SEC14L2: variants seen among roughly 807,000 people sequenced by gnomAD.
SEC14L2 encodes SEC14-like protein 2.
A neutral mutation model predicts 56.9 loss-of-function variants in SEC14L2; 50 were observed. That is an observed-to-expected ratio of 0.88 (90% CI 0.70 to 1.11). SEC14L2 has a LOEUF of 1.11. Among genes scored for constraint, SEC14L2 ranks in the 50% most tolerant of loss-of-function variants. SEC14L2 has a pLI of 0.00. For synonymous variants in SEC14L2, 179 were observed against 188.5 expected (o/e 0.95, Z 0.41); for missense variants, 414 against 500.7 (o/e 0.83, Z 1.65).
chr22:30,406,518 C>T (rs1164989388), intron 3 of SEC14L2, 133 bp downstream of exon 3: 1 of 816,010 alleles, frequency 1.2e-6, no homozygotes, highest in Non-Finnish European at 2.0e-6. Flanking sequence ...TTGCCTTATC[C>T]CTCTGGGACA....
intron 2 of SEC14L2, chr22:30,400,374 T>C (rs1008440090): frequency 6.6e-6 from 1 of 152,226 alleles, no homozygotes; most frequent in African/African-American, 2.4e-5. Context: ...ACCTGCCTGC[T>C]GCAAGACGTG....
At chr22:30,401,950 G>A (rs1459452149) in intron 2 of SEC14L2, among the ~76,000 whole-genome samples, 1 of 152,084 alleles carries the variant, frequency 6.6e-6, no homozygotes, top group Admixed American at 6.6e-5. Context: ...GAGTCTTGGG[G>A]CAGATGAAGA....
Position 30,397,062 on chromosome 22 carries a change from G to A in SEC14L2, c.-55G>A. ...GCGAGGACGAGTCTGTGCTCCATCA[G>A]CTGCCGCACCCGCCGCCTCCCGCCC... On this transcript the variant is annotated 5_prime_UTR_variant, in exon 1 of 12. Transcript: ENST00000615189. 2.0e-6 allele frequency: 3 copies of A among 1,488,238 alleles called. No individual in the cohort carries two copies. The highest frequency in any genetic ancestry group is 2.7e-6 in the Non-Finnish European group (3 of 1,092,470). The allele number at this position is 1,488,238 out of a possible 1,614,324, so 92.2% of individuals were successfully genotyped here.
rs1478380164 is a variant in SEC14L2 at position 30,397,089 on chromosome 22, C to G, written c.-28C>G. 1 of 1,547,510 alleles carries G rather than the reference C, an allele frequency of 6.5e-7. No homozygotes were observed. Among genetic ancestry groups the G allele is most frequent in the South Asian group, 1.2e-5 (1 of 84,008 alleles). On this transcript the variant is annotated 5_prime_UTR_variant, in exon 1 of 12. Coordinates refer to ENST00000615189, the MANE Select transcript of SEC14L2 (RefSeq NM_012429.5). ...TGCCGCACCCGCCGCCTCCCGCCCC[C>G]AAACCCCATCCCCGCGGTTGAGCCA...
intron 2 of SEC14L2, among the ~76,000 whole-genome samples, chr22:30,404,457 G>A (rs969427497): frequency 6.6e-6 from 1 of 152,134 alleles, no homozygotes; most frequent in African/African-American, 2.4e-5. Flanking sequence ...TTAAGGGACC[G>A]GTGACAGTCC....
At chr22:30,407,652 T>G (rs1456047199) in intron 5 of SEC14L2, 49 bp downstream of exon 5, 20 of 1,538,316 alleles carry the variant, frequency 1.3e-5, no homozygotes, top group Non-Finnish European at 1.8e-5. Context: ...GCAGAGGCAT[T>G]CCAGCAGAAG....
Position 30,415,701 on chromosome 22 carries a change from G to A in SEC14L2, c.665-58G>A. The A allele has an allele frequency of 3.4e-6, 5 of 1,480,746 alleles. No individual in the cohort carries two copies. In the South Asian group the frequency reaches 3.5e-5, roughly 10 times the overall value. The allele number at this position is 1,480,746 out of a possible 1,614,324, so 91.7% of individuals were successfully genotyped here. ...CTTTAGTGTAGACCACTAGGGTTAT[G>A]GCGAAATCTTACCTAGTGTTGAGAT... On this transcript the variant is annotated intron_variant, in intron 8 of 11. Transcript: ENST00000615189.
At chr22:30,402,833 C>T (rs1441644099) in intron 2 of SEC14L2, among the ~76,000 whole-genome samples, 1 of 151,264 alleles carries the variant, frequency 6.6e-6, no homozygotes, top group Admixed American at 6.6e-5. Context: ...AATCCCAGCA[C>T]TTTGGGAGGC....
chr22:30,415,679 T>A, intron 8 of SEC14L2, 80 bp from the exon 9 acceptor site: 1 of 1,262,850 alleles, frequency 7.9e-7, no homozygotes, highest in Non-Finnish European at 1.1e-6. Context: ...TCTGCCTCTT[T>A]AGTGTAGACC....
chr22:30,403,007 G>GT (rs1242111459), intron 2 of SEC14L2, among the ~76,000 whole-genome samples: 1 of 152,178 alleles, frequency 6.6e-6, no homozygotes, highest in Non-Finnish European at 1.5e-5. Flanking sequence ...TAATCCAGTA[G>GT]TTTGAGACTA....
intron 6 of SEC14L2, 43 bp from the exon 7 acceptor site, chr22:30,409,383 G>GA (rs1185541900): frequency 1.2e-6 from 2 of 1,611,354 alleles, no homozygotes; most frequent in African/African-American, 2.7e-5. Flanking sequence ...AATGGGGGCA[G>GA]ATTCTGAGCC....
At chr22:30,402,212 C>A (rs1933958715) in intron 2 of SEC14L2, among the ~76,000 whole-genome samples, 1 of 152,170 alleles carries the variant, frequency 6.6e-6, no homozygotes, top group Admixed American at 6.5e-5. Flanking sequence ...TAAAGGGCTG[C>A]AGCTAGAAGC....
intron 11 of SEC14L2, 103 bp from the exon 12 acceptor site, chr22:30,422,174 G>C (rs1479972164): frequency 1.4e-6 from 2 of 1,435,518 alleles, no homozygotes; most frequent in African/African-American, 2.8e-5. Context: ...CCCATGACCT[G>C]CCACACTGCC....
At chr22:30,420,169 T>A (rs1386443354) in intron 11 of SEC14L2, among the ~76,000 whole-genome samples, 1 of 152,056 alleles carries the variant, frequency 6.6e-6, no homozygotes, top group Non-Finnish European at 1.5e-5. Context: ...GTTAGGCTGG[T>A]CTTGAACTCC....
At chr22:30,398,495 G>A (rs1933823196) in intron 1 of SEC14L2, 1 of 356,352 alleles carries the variant, frequency 2.8e-6, no homozygotes, top group Non-Finnish European at 5.6e-6. Flanking sequence ...GCATATAGGG[G>A]CCTGTTCGCC....
chr22:30,410,723 G>A (rs762751802), intron 8 of SEC14L2, 44 bp downstream of exon 8: 15 of 1,570,114 alleles, frequency 9.6e-6, no homozygotes, highest in Non-Finnish European at 1.2e-5. Context: ...AGGGTCTGTA[G>A]CCTAAATCGG....
At chr22:30,414,996 T>C (rs1040993234) in intron 8 of SEC14L2, among the ~76,000 whole-genome samples, 7 of 152,336 alleles carry the variant, frequency 4.6e-5, no homozygotes, top group Non-Finnish European at 8.8e-5. Flanking sequence ...CATTCAGGCC[T>C]TCCTGCCCGC....
rs1267951066 is a variant in SEC14L2 at position 30,424,166 on chromosome 22, T to C, written c.*1759T>C. The C allele has an allele frequency of 6.4e-6, 1 of 156,318 alleles. No homozygotes were observed. Among genetic ancestry groups the C allele is most frequent in the Non-Finnish European group, 1.4e-5 (1 of 70,286 alleles). 9.7% of individuals were successfully genotyped at this position (156,318 alleles called of 1,614,324 possible). ...TGCCGCGTAGCCCGTGCGAGCCAAG[T>C]GTGAGTCCGGGCGAGCGCCTGCGGA... On this transcript the variant is annotated 3_prime_UTR_variant, in exon 12 of 12. Transcript: ENST00000615189.
intron 2 of SEC14L2, 58 bp from the exon 3 acceptor site, chr22:30,406,284 T>G: frequency 6.4e-7 from 1 of 1,572,816 alleles, no homozygotes; most frequent in Non-Finnish European, 8.7e-7. Flanking sequence ...AATCTCCCCA[T>G]CCTTGGACAC....
Sources: allele counts gnomAD v4.1 joint callset (sites outside exome capture counted in the v4.1 genomes callset), GRCh38; gene constraint gnomAD v4.1.1; transcripts MANE v1.5; gene names NCBI Gene and HGNC (gene_info 2026-07-23, HGNC 2026-07-21).